The following ARHGEF28 variants were observed in gnomAD, a reference collection of about 807,000 sequenced individuals.
ARHGEF28 encodes 190 kDa guanine nucleotide exchange factor.
A neutral mutation model predicts 206.6 loss-of-function variants in ARHGEF28; 152 were observed. The ratio of observed to expected loss-of-function variants is 0.74; its 90% CI spans 0.64 to 0.84. ARHGEF28 has a LOEUF of 0.84. Among genes scored for constraint, ARHGEF28 ranks in the 40% least tolerant of loss-of-function variants. The pLI is 0.00. For synonymous variants in ARHGEF28, 763 were observed against 776.4 expected (o/e 0.98, Z 0.29); for missense variants, 2,028 against 2,073.2 (o/e 0.98, Z 0.42).
At chr5:73,759,858 C>T (rs1752507952) in intron 4 of ARHGEF28, among the ~76,000 whole-genome samples, 1 of 152,206 alleles carries the variant, frequency 6.6e-6, no homozygotes, top group Non-Finnish European at 1.5e-5. Flanking sequence ...TTCTAGGCAA[C>T]AAGAGAAGGG....
chr5:73,904,360 T>C lies in ARHGEF28; in HGVS notation c.4116T>C (p.Ile1372=). The C allele has an allele frequency of 6.2e-7, 1 of 1,613,326 alleles. No homozygotes were observed. The highest frequency in any genetic ancestry group is 8.5e-7 in the Non-Finnish European group (1 of 1,179,572). The change falls in exon 33 of 36, where the codon ATT becomes ATC. Residue 1372 remains isoleucine (I), a splice_region_variant and synonymous_variant. Coordinates refer to ENST00000513042, the MANE Select transcript of ARHGEF28 (RefSeq NM_001177693.2). ...ACACTTACAATTTTGTTTTTCAGAT[T>C]ATACAAGCCATACAGAATTTAACCC... ...RNFPGSSQSE[I]IQAIQNLTRL... is the part of the protein sequence containing the mutation.
intron 9 of ARHGEF28, among the ~76,000 whole-genome samples, chr5:73,807,036 GTTT>G (rs35751176): frequency 7.6e-6 from 1 of 132,068 alleles, no homozygotes; most frequent in African/African-American, 2.7e-5. Context: ...CATGTAAGAG[GTTT>G]TTTTTTTTTT....
chr5:73,711,209 C>T (rs1749225146), intron 2 of ARHGEF28, among the ~76,000 whole-genome samples: 1 of 152,120 alleles, frequency 6.6e-6, no homozygotes, highest in Non-Finnish European at 1.5e-5. Flanking sequence ...TGCCATTTCA[C>T]TGGTATTATA....
At chr5:73,884,105 G>A (rs1761120041) in intron 24 of ARHGEF28, among the ~76,000 whole-genome samples, 7 of 152,238 alleles carry the variant, frequency 4.6e-5, no homozygotes, top group Admixed American at 3.9e-4. Flanking sequence ...CCCAAACCAA[G>A]CTGGCTTCTT....
intron 9 of ARHGEF28, among the ~76,000 whole-genome samples, chr5:73,830,320 G>A (rs929525875): frequency 2.0e-5 from 3 of 152,104 alleles, no homozygotes; most frequent in Non-Finnish European, 4.4e-5. Context: ...TTGGGAGGCC[G>A]AGGCGGCTGG....
rs61748630 is a variant in ARHGEF28 at position 73,909,730 on chromosome 5, G to T, written c.4480G>T (p.Asp1494Tyr). The T allele has an allele frequency of 1.3e-4, 190 of 1,517,478 alleles. No homozygotes were observed. In the African/African-American group the frequency reaches 2.2e-3, roughly 17 times the overall value. 94.0% of individuals were successfully genotyped at this position (1,517,478 alleles called of 1,614,324 possible). A position where few individuals can be genotyped will look rare whatever the true frequency, so the allele number is the denominator to read the frequency against. ...GCTGCTGCGGAGCCGGGGCGAGCTG[G>T]ACCTCCAGCTCCAGGAGTACCAGCA... is the stretch of plus-strand genomic sequence containing the variant. ...ELLLRSRGEL[D>Y]LQLQEYQHSL... is the part of the protein sequence containing the mutation. The change falls in exon 34 of 36, where the codon GAC (aspartate) becomes TAC (tyrosine). Residue 1494 changes from aspartate (D) to tyrosine (Y), a missense_variant. Transcript: ENST00000513042.
At chr5:73,868,699 T>C (rs957034252) in intron 20 of ARHGEF28, among the ~76,000 whole-genome samples, 5 of 152,096 alleles carry the variant, frequency 3.3e-5, no homozygotes, top group African/African-American at 9.7e-5. Flanking sequence ...CAGGCTGGAG[T>C]GCAGTGGTAT....
At chr5:73,889,100 T>C (rs1462743430) in intron 26 of ARHGEF28, among the ~76,000 whole-genome samples, 1 of 152,200 alleles carries the variant, frequency 6.6e-6, no homozygotes, top group Non-Finnish European at 1.5e-5. Context: ...AAATATCTTA[T>C]AGTTAACACT....
At position 73,800,177 on chromosome 5, in the gene ARHGEF28, C is replaced by G. The variant is rs111947400; in HGVS notation, c.1024+4786C>G. Among the ~76,000 whole-genome samples the G allele has an allele frequency of 1.6e-3, 236 of 152,120 alleles. 1 individual carries two copies. The highest frequency in any genetic ancestry group is 5.3e-3 in the African/African-American group (222 of 41,502). On this transcript the variant is annotated intron_variant, in intron 9 of 35. Coordinates refer to ENST00000513042, the MANE Select transcript of ARHGEF28 (RefSeq NM_001177693.2). ...AGCATTTTTTCTCATGCATGCATTT[C>G]TTTTTTACGTAGCTGTGATCATGAA...
At chr5:73,813,495 C>G (rs977772898) in intron 9 of ARHGEF28, 2 of 1,511,880 alleles carry the variant, frequency 1.3e-6, no homozygotes, top group Middle Eastern at 1.7e-4. Flanking sequence ...CTTCCCTTTA[C>G]ATCACATGGG....
intron 2 of ARHGEF28, among the ~76,000 whole-genome samples, chr5:73,737,925 C>A (rs1156712620): frequency 6.6e-6 from 1 of 152,164 alleles, no homozygotes; most frequent in African/African-American, 2.4e-5. Context: ...ATCAGGACTT[C>A]AAGTTTTCCA....
intron 18 of ARHGEF28, among the ~76,000 whole-genome samples, chr5:73,867,352 G>C (rs907726942): frequency 2.6e-5 from 4 of 152,170 alleles, no homozygotes; most frequent in Admixed American, 6.5e-5. Context: ...GCCCTATTTA[G>C]TTTTCCATGT....
chr5:73,821,714 G>A (rs887556806), intron 9 of ARHGEF28, among the ~76,000 whole-genome samples: 3 of 152,044 alleles, frequency 2.0e-5, no homozygotes, highest in Non-Finnish European at 4.4e-5. Context: ...TTTCCTTGAT[G>A]TGGACTAATT....
At position 73,858,138 on chromosome 5, in the gene ARHGEF28, G is replaced by T; in HGVS notation, c.1966G>T (p.Ala656Ser). The T allele has an allele frequency of 6.2e-7, 1 of 1,612,296 alleles. No homozygotes were observed. ...DKEKLNRHQF[A>S]PGTFSGVLQC... ...AGAGAAGCTGAATCGACATCAGTTT[G>T]CCCCAGGAACATTCTCTGGGGTTCT... The change falls in exon 16 of 36, where the codon GCC (alanine) becomes TCC (serine). Residue 656 changes from alanine to serine, a missense_variant. By Grantham distance (99) the Ala-to-Ser change is moderately conservative. Transcript: ENST00000513042.
At position 73,940,761 on chromosome 5, in the gene ARHGEF28, A is replaced by G. The variant is rs1580134670; in HGVS notation, c.4949-83A>G. The G allele has an allele frequency of 4.0e-6, 5 of 1,243,668 alleles. No homozygotes were observed. The East Asian group carries it at 1.5e-4, about 37-fold the overall frequency. 77.0% of individuals were successfully genotyped at this position (1,243,668 alleles called of 1,614,324 possible). On this transcript the variant is annotated intron_variant, in intron 35 of 35. Coordinates refer to ENST00000513042, the MANE Select transcript of ARHGEF28 (RefSeq NM_001177693.2). Reference sequence around the variant, plus strand: ...GACTATATGGGCACTGCATTTCCTAATCTTAGAGAGCTCTAACGCCAAGAC... The same window carrying G: ...GACTATATGGGCACTGCATTTCCTAGTCTTAGAGAGCTCTAACGCCAAGAC...
Position 73,784,138 on chromosome 5 carries a change from C to A in ARHGEF28, c.910+3393C>A, listed in dbSNP as rs532148244. Among the ~76,000 whole-genome samples the A allele has an allele frequency of 1.2e-3, 175 of 144,354 alleles. 2 individuals are homozygous for A. Among genetic ancestry groups the A allele is most frequent in the African/African-American group, 3.8e-3 (150 of 39,914 alleles). 94.7% of individuals were successfully genotyped at this position (144,354 alleles called of 152,430 possible). ...AGAGCTTCCTCTTAAAAAAAAAAAA[C>A]CAAACAAACCCTAAAGCAAACTTCC... On this transcript the variant is annotated intron_variant, in intron 7 of 35. Transcript: ENST00000513042.
At chr5:73,771,018 A>G (rs1420917155) in intron 4 of ARHGEF28, among the ~76,000 whole-genome samples, 2 of 152,240 alleles carry the variant, frequency 1.3e-5, no homozygotes, top group African/African-American at 2.4e-5. Flanking sequence ...GGTTGAATAC[A>G]GTGAAATACA....
At chr5:73,776,186 GA>G (rs1753529962) in intron 5 of ARHGEF28, among the ~76,000 whole-genome samples, 1 of 152,244 alleles carries the variant, frequency 6.6e-6, no homozygotes, top group African/African-American at 2.4e-5. Flanking sequence ...CCATTAAAGT[GA>G]GAGGCATCTT....
chr5:73,781,534 T>G (rs189351875), intron 7 of ARHGEF28, among the ~76,000 whole-genome samples: 80 of 152,286 alleles, frequency 5.3e-4, no homozygotes, highest in African/African-American at 1.9e-3. Context: ...ACTTCTGCTT[T>G]TCCATATGCA....
Sources: gnomAD v4.1 joint callset for allele counts (sites outside exome capture counted in the v4.1 genomes callset) on GRCh38, gnomAD v4.1.1 for gene constraint, MANE v1.5 for transcripts, NCBI Gene and HGNC (gene_info 2026-07-23, HGNC 2026-07-21) for gene names.